ZNF407: variants seen among roughly 807,000 people sequenced by gnomAD.
ZNF407 encodes the protein zinc finger protein 407.
In ZNF407, 17 loss-of-function variants were observed where a neutral mutation model predicts 131.2. That is an observed-to-expected ratio of 0.13 (90% CI 0.09 to 0.19). The LOEUF (loss-of-function observed/expected upper bound fraction) is 0.19. Among genes scored for constraint, ZNF407 ranks in the 10% least tolerant of loss-of-function variants. The probability of loss-of-function intolerance (pLI) is 1.00; values close to 1 mark genes in which losing one functional copy is unlikely to be tolerated. For synonymous variants in ZNF407, 1,156 were observed against 1,062.0 expected, an observed-to-expected ratio of 1.09 and a Z score of -1.72; for missense variants, 2,681 against 2,830.6, an observed-to-expected ratio of 0.95 and a Z score of 1.20.
intron 8 of ZNF407, among the ~76,000 whole-genome samples, chr18:75,050,017 C>A (rs1387100950): frequency 6.6e-6 from 1 of 152,106 alleles, no homozygotes; most frequent in Non-Finnish European, 1.5e-5. Context: ...CTACCGACTG[C>A]AGGACTTTAC....
At chr18:74,860,450 A>G (rs1350641385) in intron 4 of ZNF407, among the ~76,000 whole-genome samples, 1 of 151,086 alleles carries the variant, frequency 6.6e-6, no homozygotes, top group African/African-American at 2.4e-5. Flanking sequence ...ACCCAGAATA[A>G]TTTGTAACTT....
At chr18:74,909,508 T>G (rs934232035) in intron 7 of ZNF407, among the ~76,000 whole-genome samples, 3 of 152,194 alleles carry the variant, frequency 2.0e-5, no homozygotes, top group Non-Finnish European at 2.9e-5. Flanking sequence ...AGCGTATTTC[T>G]TTAAATAGAA....
chr18:74,781,207 G>A (rs1482528694), intron 3 of ZNF407, among the ~76,000 whole-genome samples: 3 of 152,114 alleles, frequency 2.0e-5, no homozygotes, highest in African/African-American at 7.2e-5. Flanking sequence ...CACTGTTAGT[G>A]TATCCAAGTC....
intron 8 of ZNF407, among the ~76,000 whole-genome samples, chr18:75,024,211 G>T (rs1317887044): frequency 6.6e-6 from 1 of 152,174 alleles, no homozygotes; most frequent in Non-Finnish European, 1.5e-5. Flanking sequence ...GCCTAAAACT[G>T]GTGTGCTGGT....
chr18:74,815,078 A>G (rs1177921862), intron 4 of ZNF407, among the ~76,000 whole-genome samples: 2 of 152,112 alleles, frequency 1.3e-5, no homozygotes, highest in Admixed American at 6.5e-5. Flanking sequence ...ATTAAACAAA[A>G]TAAAATAAAT....
chr18:74,687,200 T>A (rs1967115557), intron 3 of ZNF407, among the ~76,000 whole-genome samples: 1 of 152,116 alleles, frequency 6.6e-6, no homozygotes, highest in African/African-American at 2.4e-5. Context: ...ATTAAAAAGT[T>A]AGCCAGGCTT....
At position 75,042,304 on chromosome 18, in the gene ZNF407, C is replaced by A. The variant is rs77339634; in HGVS notation, c.5429-20846C>A. Among the ~76,000 whole-genome samples the A allele has an allele frequency of 2.4e-4, 37 of 152,076 alleles. No individual in the cohort carries two copies. The East Asian group carries it at 3.5e-3, about 14-fold the overall frequency. ...ATTATACTTCAGAAGATTATATAAA[C>A]CATAAGGTTTATATTAGATATAATT... On this transcript the variant is annotated intron_variant, in intron 8 of 8. Coordinates refer to ENST00000299687, the MANE Select transcript of ZNF407 (RefSeq NM_017757.3).
chr18:74,903,281 TCAACTA>T (rs1971553497), intron 7 of ZNF407, among the ~76,000 whole-genome samples: 1 of 152,214 alleles, frequency 6.6e-6, no homozygotes, highest in Non-Finnish European at 1.5e-5. Flanking sequence ...TGAAAAGCTT[TCAACTA>T]GAAAAATACG....
chr18:74,907,257 G>A (rs1971608799), intron 7 of ZNF407, among the ~76,000 whole-genome samples: 1 of 152,138 alleles, frequency 6.6e-6, no homozygotes, highest in Non-Finnish European at 1.5e-5. Context: ...ACTCACAGAG[G>A]GAGTGCAGCA....
At chr18:74,778,115 C>A (rs1251720699) in intron 3 of ZNF407, among the ~76,000 whole-genome samples, 1 of 152,206 alleles carries the variant, frequency 6.6e-6, no homozygotes, top group Non-Finnish European at 1.5e-5. Flanking sequence ...TTTCTTCCCA[C>A]TCAGAATAAA....
intron 8 of ZNF407, among the ~76,000 whole-genome samples, chr18:74,952,615 C>T (rs74499403): frequency 0.017 from 2,519 of 152,200 alleles, 69 homozygotes; most frequent in African/African-American, 0.053. Flanking sequence ...AGGGGCTGGA[C>T]GATTGTGCAT....
intron 4 of ZNF407, among the ~76,000 whole-genome samples, chr18:74,821,062 T>C (rs1970333407): frequency 6.6e-6 from 1 of 152,034 alleles, no homozygotes; most frequent in Non-Finnish European, 1.5e-5. Flanking sequence ...AGTCTTCAGT[T>C]CTGTGATCGA....
chr18:74,639,446 A>G (rs1306691376), intron 2 of ZNF407, among the ~76,000 whole-genome samples: 1 of 152,228 alleles, frequency 6.6e-6, no homozygotes, highest in East Asian at 1.9e-4. Flanking sequence ...CAAAAGTCCC[A>G]TTATAGAATT....
At chr18:74,675,472 T>A (rs1228300749) in intron 3 of ZNF407, among the ~76,000 whole-genome samples, 2 of 152,246 alleles carry the variant, frequency 1.3e-5, no homozygotes, top group Non-Finnish European at 2.9e-5. Flanking sequence ...GTATTTTTTA[T>A]GTGTTCCAGA....
intron 3 of ZNF407, among the ~76,000 whole-genome samples, chr18:74,649,969 T>C (rs890704660): frequency 2.6e-5 from 4 of 152,224 alleles, no homozygotes; most frequent in Non-Finnish European, 5.9e-5. Flanking sequence ...TGGTCACTTC[T>C]ATCAAAGGAT....
chr18:74,817,313 A>G (rs1970280463), intron 4 of ZNF407, among the ~76,000 whole-genome samples: 2 of 152,126 alleles, frequency 1.3e-5, no homozygotes. Context: ...TTGTGTCTGA[A>G]TGATGTCTGA....
chr18:74,979,183 T>A (rs948106067), intron 8 of ZNF407, among the ~76,000 whole-genome samples: 2 of 152,166 alleles, frequency 1.3e-5, no homozygotes, highest in Non-Finnish European at 2.9e-5. Flanking sequence ...CACACCTCTG[T>A]AGAGTCTACT....
chr18:74,877,098 C>T (rs1971168179), intron 4 of ZNF407, 99 bp from the exon 5 acceptor site: 7 of 997,444 alleles, frequency 7.0e-6, no homozygotes, highest in South Asian at 1.4e-5. Context: ...GCAGAGGCTG[C>T]GTGTGCACCG....
At chr18:74,866,119 A>T (rs1469224118) in intron 4 of ZNF407, among the ~76,000 whole-genome samples, 1 of 152,200 alleles carries the variant, frequency 6.6e-6, no homozygotes, top group East Asian at 1.9e-4. Flanking sequence ...ATATGTCTGC[A>T]TGTCAGAATA....
Sources: gnomAD v4.1 joint callset for allele counts (sites outside exome capture counted in the v4.1 genomes callset) on GRCh38, gnomAD v4.1.1 for gene constraint, MANE v1.5 for transcripts, NCBI Gene and HGNC (gene_info 2026-07-23, HGNC 2026-07-21) for gene names.